NSD2: variants seen among roughly 807,000 people sequenced by gnomAD.
NSD2 encodes the protein histone-lysine N-methyltransferase NSD2.
In NSD2, 12 loss-of-function variants were observed where a neutral mutation model predicts 139.0. The ratio of observed to expected loss-of-function variants is 0.09; its 90% confidence interval spans 0.06 to 0.14. The LOEUF (loss-of-function observed/expected upper bound fraction) is 0.14. Among genes scored for constraint, NSD2 ranks in the 10% least tolerant of loss-of-function variants. NSD2 has a pLI of 1.00. For synonymous variants in NSD2, 669 were observed against 648.7 expected (o/e 1.03, Z -0.48); for missense variants, 1,155 against 1,745.0 (o/e 0.66, Z 6.02).
chr4:1,952,815 C>CA (rs2108948307), intron 11 of NSD2: 1 of 1,196,370 alleles, frequency 8.4e-7, no homozygotes, highest in South Asian at 2.7e-5. Flanking sequence ...AGCCGTGGCC[C>CA]TTCCTGCCTA....
Position 1,974,632 on chromosome 4 carries a change from C to A in NSD2, c.3373-231C>A. ...AGCTCCAGCTCCCTGTCCTGTCCTCCCCGGCGCTCACTAAGGCTCGGTCCT... is the reference window on the plus strand; with the variant it reads ...AGCTCCAGCTCCCTGTCCTGTCCTCACCGGCGCTCACTAAGGCTCGGTCCT... On this transcript the variant is annotated intron_variant, in intron 18 of 21. Coordinates refer to ENST00000508803, the MANE Select transcript of NSD2 (RefSeq NM_001042424.3). This position sits in a 1 kb window ranked among gnomAD's most constrained non-coding sequence, Gnocchi z 4.0. The A allele has an allele frequency of 1.4e-6, 1 of 698,290 alleles. No homozygotes were observed. The highest frequency in any genetic ancestry group is 2.6e-6 in the Non-Finnish European group (1 of 380,642). 43.3% of individuals were successfully genotyped at this position (698,290 alleles called of 1,614,324 possible).
chr4:1,945,755 T>G, intron 9 of NSD2: 4 of 1,064,196 alleles, frequency 3.8e-6, no homozygotes, highest in Non-Finnish European at 4.6e-6. Flanking sequence ...ATGGCTGACA[T>G]CAGTCACTGC....
intron 5 of NSD2, among the ~76,000 whole-genome samples, chr4:1,925,782 G>T (rs538003691): frequency 0.012 from 1,639 of 142,090 alleles, 25 homozygotes; most frequent in African/African-American, 0.037. Context: ...ATTTTTTTTT[G>T]TTTGTTTGTT....
At chr4:1,960,927 G>A in intron 17 of NSD2, 108 bp from the exon 18 acceptor site, 2 of 761,322 alleles carry the variant, frequency 2.6e-6, no homozygotes, top group Non-Finnish European at 4.6e-6. Flanking sequence ...GAGGTATGCT[G>A]ATGTGTGTGG....
intron 5 of NSD2, among the ~76,000 whole-genome samples, chr4:1,928,824 G>A (rs1399917757): frequency 2.6e-5 from 4 of 152,264 alleles, no homozygotes. Context: ...TTGTGGATCC[G>A]AAGCCCTGTG....
intron 6 of NSD2, among the ~76,000 whole-genome samples, chr4:1,933,028 G>T (rs1395035336): frequency 2.0e-5 from 3 of 152,230 alleles, no homozygotes; most frequent in African/African-American, 7.2e-5. Flanking sequence ...AGGTCCTGCT[G>T]CCGAGCATTC....
chr4:1,951,295 A>G lies in NSD2; in HGVS notation c.2013+92A>G, dbSNP rs1724199473. On this transcript the variant is annotated intron_variant, in intron 10 of 21. Transcript: ENST00000508803. ...AATTTGTAGTGTCTTTTCCCTTCCC[A>G]CCAGACCCCTTCCCCAATCTCACCG... The G allele has an allele frequency of 3.2e-6, 5 of 1,538,954 alleles. No homozygotes were observed. The Admixed American group carries it at 8.7e-5, about 27-fold the overall frequency.
At chr4:1,940,343 T>TA in intron 9 of NSD2, 1 of 1,069,056 alleles carries the variant, frequency 9.4e-7, no homozygotes, top group Non-Finnish European at 1.1e-6. Context: ...ACCATTGTAA[T>TA]ATGACTCCTG....
Position 1,940,673 on chromosome 4 carries a change from C to T in NSD2, c.1881+895C>T, listed in dbSNP as rs894462474. On this transcript the variant is annotated intron_variant, in intron 9 of 21. Transcript: ENST00000508803. Reference sequence around the variant, plus strand: ...TATGAGGAGATGATAACTGGGGGCCCTTTTGGAACAGGGTAGTGAGGCAAG... The same window carrying T: ...TATGAGGAGATGATAACTGGGGGCCTTTTTGGAACAGGGTAGTGAGGCAAG... 35 of 1,061,426 alleles carry T rather than the reference C, an allele frequency of 3.3e-5. No individual in the cohort carries two copies. The African/African-American group carries it at 5.4e-4, about 16-fold the overall frequency. The allele number at this position is 1,061,426 out of a possible 1,614,324, so 65.8% of individuals were successfully genotyped here. A position where few individuals can be genotyped will look rare whatever the true frequency, so the allele number is the denominator to read the frequency against.
intron 1 of NSD2, among the ~76,000 whole-genome samples, chr4:1,895,088 G>A (rs1716082237): frequency 6.6e-6 from 1 of 152,092 alleles, no homozygotes; most frequent in Non-Finnish European, 1.5e-5. Flanking sequence ...TTCAAGATTC[G>A]TCCATATTGA....
chr4:1,933,481 G>C (rs1721922429), intron 6 of NSD2, among the ~76,000 whole-genome samples: 2 of 152,240 alleles, frequency 1.3e-5, no homozygotes, highest in African/African-American at 4.8e-5. Context: ...GCTCCGCCTG[G>C]CGGGTTCATG....
chr4:1,895,218 T>TA (rs1220482538), intron 1 of NSD2, among the ~76,000 whole-genome samples: 1 of 152,228 alleles, frequency 6.6e-6, no homozygotes, highest in African/African-American at 2.4e-5. Flanking sequence ...GCTACTGTAA[T>TA]AGTGCTCCTG....
At chr4:1,943,831 C>A (rs1451474620) in intron 9 of NSD2, 1 of 1,062,666 alleles carries the variant, frequency 9.4e-7, no homozygotes, top group African/African-American at 1.6e-5. Context: ...TCTTGAAAGG[C>A]TTTTGGTGAA....
intron 18 of NSD2, among the ~76,000 whole-genome samples, chr4:1,969,542 A>T (rs1356523205): frequency 1.7e-5 from 2 of 116,298 alleles, no homozygotes; most frequent in Non-Finnish European, 3.2e-5. Context: ...TGTCTCTACT[A>T]AAAAAAAAAA....
intron 9 of NSD2, chr4:1,940,705 A>G: frequency 9.4e-7 from 1 of 1,061,412 alleles, no homozygotes; most frequent in African/African-American, 1.6e-5. Context: ...CAAGGGTTGG[A>G]CAGGCCCCTT....
At chr4:1,921,839 G>C (rs976299837) in intron 5 of NSD2, among the ~76,000 whole-genome samples, 1 of 150,758 alleles carries the variant, frequency 6.6e-6, no homozygotes, top group East Asian at 1.9e-4. Context: ...TTTAATAAAC[G>C]TTGTACGGAA....
chr4:1,892,126 GTTCTTTATTTTTAT>G (rs1236215507), intron 1 of NSD2: 3 of 152,196 alleles, frequency 2.0e-5, no homozygotes, highest in East Asian at 1.9e-4. Flanking sequence ...GGACTCAGTG[GTTCTTTATTTTTAT>G]TTCTTTATTT....
Position 1,979,475 on chromosome 4 carries a change from C to T in NSD2, c.*566C>T. 4.3e-6 allele frequency: 1 copy of T among 233,288 alleles called. No individual in the cohort carries two copies. Among genetic ancestry groups the T allele is most frequent in the Non-Finnish European group, 8.5e-6 (1 of 118,066 alleles). 14.5% of individuals were successfully genotyped at this position (233,288 alleles called of 1,614,324 possible). On this transcript the variant is annotated 3_prime_UTR_variant, in exon 22 of 22. Coordinates refer to ENST00000508803, the MANE Select transcript of NSD2 (RefSeq NM_001042424.3). The stretch of plus-strand genomic sequence containing the variant: ...TAATGTGAATTGTTCCTCAGAAACG[C>T]TTCTTTTCCATCCTAGTGAGAAGCT...
At chr4:1,907,247 T>G (rs1338145603) in intron 3 of NSD2, among the ~76,000 whole-genome samples, 1 of 152,184 alleles carries the variant, frequency 6.6e-6, no homozygotes, top group Admixed American at 6.5e-5. Context: ...ATCCTCACTT[T>G]TACTTTTAAA....
Sources: gnomAD v4.1 joint callset for allele counts (sites outside exome capture counted in the v4.1 genomes callset) on GRCh38, gnomAD v4.1.1 for gene constraint, Gnocchi (gnomAD v3.1) non-coding constraint, MANE v1.5 for transcripts, NCBI Gene and HGNC (gene_info 2026-07-23, HGNC 2026-07-21) for gene names.